The following ANKRD30B variants were observed in gnomAD, a reference collection of about 807,000 sequenced individuals.
ANKRD30B encodes ankyrin repeat domain 30B.
Under a neutral mutation model 202.2 loss-of-function variants are expected in ANKRD30B, and 144 were observed. The ratio of observed to expected loss-of-function variants is 0.71; its 90% CI spans 0.62 to 0.82. The LOEUF (loss-of-function observed/expected upper bound fraction) is 0.82. Ranked by LOEUF, ANKRD30B falls within the 40% of genes least tolerant of loss-of-function variation. ANKRD30B has a pLI of 0.00. For synonymous variants in ANKRD30B, 508 were observed against 561.3 expected, an observed-to-expected ratio of 0.91 and a Z score of 1.34; for missense variants, 1,487 against 1,669.1, an observed-to-expected ratio of 0.89 and a Z score of 1.90.
At chr18:14,779,188 A>G (rs1055522696) in intron 10 of ANKRD30B, among the ~76,000 whole-genome samples, 1 of 152,184 alleles carries the variant, frequency 6.6e-6, no homozygotes, top group African/African-American at 2.4e-5. Flanking sequence ...TTTCTGTTAA[A>G]TGAATATATT....
the ANKRD30B span, among the ~76,000 whole-genome samples, chr18:14,908,331 G>T: frequency 6.6e-6 from 1 of 152,176 alleles, no homozygotes; most frequent in African/African-American, 2.4e-5. Flanking sequence ...CTCCTCTACA[G>T]ATGCAACTCC....
At chr18:14,884,734 T>C in the ANKRD30B span, among the ~76,000 whole-genome samples, 1 of 152,080 alleles carries the variant, frequency 6.6e-6, no homozygotes, top group African/African-American at 2.4e-5. Flanking sequence ...AGTTTGAGAA[T>C]GGAGAAATCA....
In ANKRD30B at chr18:14,851,636, A is replaced by C; in HGVS notation, c.3692A>C (p.Tyr1231Ser). The change falls in exon 42 of 44, where the codon TAC becomes TCC. Residue 1231 changes from tyrosine to serine, a missense_variant. Physicochemically the swap from Tyr to Ser is moderately radical, Grantham distance 144. Around this residue, in one of 6 missense-constraint regions of ANKRD30B, gnomAD observed 177 missense variants for 216.4 expected, o/e 0.82. Coordinates refer to ENST00000690538, the MANE Select transcript of ANKRD30B (RefSeq NM_001367607.2). Reference protein sequence around the residue: ...KHQHQVKENKYFEDIKILQEK... With the variant: ...KHQHQVKENKSFEDIKILQEK... The stretch of plus-strand genomic sequence containing the variant: ...CAACACCAGGTGAAGGAAAATAAAT[A>C]CTTTGAGGACATTAAGATTTTACAA... The C allele has an allele frequency of 6.2e-7, 1 of 1,611,918 alleles. No homozygotes were observed. Among genetic ancestry groups the C allele is most frequent in the East Asian group, 2.2e-5 (1 of 44,854 alleles).
chr18:14,930,641 A>G, the ANKRD30B span, among the ~76,000 whole-genome samples: 2 of 152,088 alleles, frequency 1.3e-5, no homozygotes, highest in East Asian at 3.9e-4. Flanking sequence ...TACCTTCCAC[A>G]CCCAGGAAGT....
intron 42 of ANKRD30B, 136 bp downstream of exon 42, chr18:14,852,556 C>T (rs1207982617): frequency 2.6e-6 from 3 of 1,145,402 alleles, no homozygotes; most frequent in Non-Finnish European, 2.3e-6. Flanking sequence ...AGAAACATGC[C>T]TCATTTCCAC....
chr18:14,778,112 A>T (rs1967496815), intron 10 of ANKRD30B, 37 bp downstream of exon 10: 1 of 1,377,180 alleles, frequency 7.3e-7, no homozygotes, highest in Non-Finnish European at 1.0e-6. Context: ...TCTTTTGACC[A>T]AATGTTTGTC....
rs1273338270 is a variant in ANKRD30B at position 14,778,003 on chromosome 18, G to A, written c.1348G>A (p.Ala450Thr). 3.9e-6 allele frequency: 6 copies of A among 1,547,170 alleles called. No homozygotes were observed. In the East Asian group the frequency reaches 9.8e-5, roughly 25 times the overall value. Residue 450 changes from alanine (A) to threonine (T), a missense_variant, in exon 10 of 44, where the codon GCA (alanine) becomes ACA (threonine). Coordinates refer to ENST00000690538, the MANE Select transcript of ANKRD30B (RefSeq NM_001367607.2). The part of the protein sequence containing the change: ...LATKIISKSA[A>T]QNYTCLPDAT... Reference sequence around the variant, plus strand: ...TTAACAGATTATCTCTAAGAGTGCTGCACAGAATTATACGTGTTTACCTGA... The same window carrying A: ...TTAACAGATTATCTCTAAGAGTGCTACACAGAATTATACGTGTTTACCTGA...
At chr18:14,862,108 C>G in the ANKRD30B span, among the ~76,000 whole-genome samples, 1 of 151,664 alleles carries the variant, frequency 6.6e-6, no homozygotes. Flanking sequence ...ACATAACATA[C>G]CAAAACGTCT....
chr18:14,797,228 A>G (rs1289372001), intron 18 of ANKRD30B, among the ~76,000 whole-genome samples: 2 of 152,238 alleles, frequency 1.3e-5, no homozygotes, highest in Middle Eastern at 3.4e-3. Flanking sequence ...GCGTCTGTTT[A>G]TAGGCTCTCC....
intron 40 of ANKRD30B, 44 bp from the exon 41 acceptor site, chr18:14,850,170 T>C (rs1971823110): frequency 8.0e-7 from 1 of 1,249,188 alleles, no homozygotes; most frequent in East Asian, 2.5e-5. Flanking sequence ...GTGAATTCTA[T>C]TTTCTAACAA....
chr18:14,889,220 A>T, the ANKRD30B span, among the ~76,000 whole-genome samples: 7 of 152,042 alleles, frequency 4.6e-5, no homozygotes, highest in African/African-American at 1.7e-4. Context: ...TCATATTACT[A>T]TTCCCATATC....
downstream of ANKRD30B, among the ~76,000 whole-genome samples, chr18:14,855,185 T>C (rs1394353189): frequency 6.6e-6 from 1 of 152,142 alleles, no homozygotes; most frequent in African/African-American, 2.4e-5. Flanking sequence ...TAACCCTGAG[T>C]TGACACAGCA....
At chr18:14,928,392 G>GT in the ANKRD30B span, among the ~76,000 whole-genome samples, 9 of 152,324 alleles carry the variant, frequency 5.9e-5, no homozygotes, top group Non-Finnish European at 1.0e-4. Flanking sequence ...ATTTGAACTG[G>GT]TAGGCCGAAT....
chr18:14,792,607 A>G (rs1968599565), intron 16 of ANKRD30B, among the ~76,000 whole-genome samples: 1 of 151,862 alleles, frequency 6.6e-6, no homozygotes, highest in South Asian at 2.1e-4. Flanking sequence ...AAGCATTTAG[A>G]ATATTTTCAC....
At chr18:14,835,755 G>A (rs1456732416) in intron 34 of ANKRD30B, among the ~76,000 whole-genome samples, 2 of 151,880 alleles carry the variant, frequency 1.3e-5, no homozygotes, top group East Asian at 3.9e-4. Context: ...AGAAAAGCAT[G>A]TGAATTTTAA....
chr18:14,871,075 A>G, the ANKRD30B span, among the ~76,000 whole-genome samples: 1 of 24,532 alleles, frequency 4.1e-5, no homozygotes, highest in South Asian at 1.7e-3. Context: ...ACCCCCACCC[A>G]CAGACCCCCA....
At chr18:14,776,493 G>A (rs866290679) in intron 9 of ANKRD30B, among the ~76,000 whole-genome samples, 1 of 152,176 alleles carries the variant, frequency 6.6e-6, no homozygotes, top group Non-Finnish European at 1.5e-5. Flanking sequence ...CCATATGAAA[G>A]TCTAGGAGGA....
intron 30 of ANKRD30B, among the ~76,000 whole-genome samples, chr18:14,818,756 T>C (rs949438936): frequency 1.3e-4 from 20 of 152,118 alleles, no homozygotes; most frequent in Non-Finnish European, 2.9e-4. Context: ...TAATCCAGTC[T>C]ATCATTGTTG....
At chr18:14,795,868 G>C (rs965553387) in intron 16 of ANKRD30B, among the ~76,000 whole-genome samples, 16 of 136,866 alleles carry the variant, frequency 1.2e-4, no homozygotes, top group Non-Finnish European at 1.9e-4. Flanking sequence ...TTTTTTTTTT[G>C]GCGGTGGGTC....
Sources: gnomAD v4.1 joint callset for allele counts (sites outside exome capture counted in the v4.1 genomes callset) on GRCh38, gnomAD v4.1.1 for gene constraint, gnomAD v4.1.1 regional missense constraint, MANE v1.5 for transcripts, NCBI Gene and HGNC (gene_info 2026-07-23, HGNC 2026-07-21) for gene names.